Variants in CEP170B observed in about 807,000 individuals in gnomAD.
The protein encoded by CEP170B is centrosomal protein of 170 kDa protein B.
A neutral mutation model predicts 120.6 loss-of-function variants in CEP170B; 55 were observed. That is an observed-to-expected ratio of 0.46 (90% CI 0.37 to 0.57). The LOEUF is 0.57. Ranked by LOEUF, CEP170B falls within the 20% of genes least tolerant of loss-of-function variation. CEP170B has a pLI of 0.00. For missense variants in CEP170B, 2,212 were observed against 2,253.3 expected, an observed-to-expected ratio of 0.98 and a Z score of 0.37; for synonymous variants, 1,033 against 954.5, an observed-to-expected ratio of 1.08 and a Z score of -1.52.
intron 2 of CEP170B, among the ~76,000 whole-genome samples, chr14:104,875,046 A>G: frequency 6.6e-6 from 1 of 152,194 alleles, no homozygotes; most frequent in African/African-American, 2.4e-5. Context: ...GGTGCTGGGG[A>G]AGGCCCCACA....
Position 104,885,513 on chromosome 14 carries a change from C to A in CEP170B, c.1915C>A (p.Leu639Met). 2 of 1,566,740 alleles carry A rather than the reference C, an allele frequency of 1.3e-6. No homozygotes were observed. The highest frequency in any genetic ancestry group is 1.7e-6 in the Non-Finnish European group (2 of 1,158,710). ...ALLQEFASRP[L>M]GAAPQAEHQG... ...ACTGCAGGAGTTTGCCTCCCGGCCA[C>A]TGGGTGCGGCCCCCCAGGCGGAGCA... The change falls in exon 10 of 19, where the codon CTG becomes ATG. Residue 639 changes from leucine to methionine, a missense_variant. Leu to Met is a conservative substitution (Grantham distance 15, BLOSUM62 2). Around this residue, in one of 2 missense-constraint regions of CEP170B, gnomAD observed 2,166 missense variants for 2,166.7 expected, o/e 1.00. Coordinates refer to ENST00000414716, the MANE Select transcript of CEP170B (RefSeq NM_001112726.3).
chr14:104,873,927 G>A (rs947841291), intron 2 of CEP170B, among the ~76,000 whole-genome samples: 8 of 152,262 alleles, frequency 5.3e-5, no homozygotes, highest in East Asian at 1.9e-4. Flanking sequence ...CCCATGTGTC[G>A]GGCGGGCTGA....
At position 104,883,885 on chromosome 14, in the gene CEP170B, C is replaced by A. The variant is rs62641743; in HGVS notation, c.1106C>A (p.Ala369Glu). ...QSDSEDPLAK[A>E]ASAAGVPLEA... is the part of the protein sequence containing the mutation. ...GACTCAGAGGACCCCCTGGCCAAGG[C>A]GGCCTCGGCCGCTGGGGTGCCCTTG... Residue 369 changes from alanine to glutamate, a missense_variant, in exon 9 of 19, where the codon GCG becomes GAG. Around this residue, in one of 2 missense-constraint regions of CEP170B, gnomAD observed 2,166 missense variants for 2,166.7 expected, o/e 1.00. Coordinates refer to ENST00000414716, the MANE Select transcript of CEP170B (RefSeq NM_001112726.3). 2 of 1,580,544 alleles carry A rather than the reference C, an allele frequency of 1.3e-6. No individual in the cohort carries two copies. Among genetic ancestry groups the A allele is most frequent in the East Asian group, 2.3e-5 (1 of 43,268 alleles).
chr14:104,873,466 GA>G (rs1203478798), intron 2 of CEP170B, among the ~76,000 whole-genome samples: 1 of 152,090 alleles, frequency 6.6e-6, no homozygotes, highest in African/African-American at 2.4e-5. Flanking sequence ...GGGCCTGCGG[GA>G]AAGGGGGCTG....
In CEP170B at chr14:104,870,629, C is replaced by G. The variant is rs1895427206; in HGVS notation, c.105+2074C>G. 6.6e-6 allele frequency among the ~76,000 whole-genome samples: 1 copy of G among 152,040 alleles called. No individual in the cohort carries two copies. Among genetic ancestry groups the G allele is most frequent in the Non-Finnish European group, 1.5e-5 (1 of 67,980 alleles). On this transcript the variant is annotated intron_variant, in intron 2 of 18. Coordinates refer to ENST00000414716, the MANE Select transcript of CEP170B (RefSeq NM_001112726.3). The surrounding 1 kb of genome is among the most constrained non-coding windows in gnomAD (Gnocchi z 4.1). ...CCAGGCCTGCTCTGCCTGCTTCTCC[C>G]TGGGGTAGGGGAAAAGTGCTGGGGG...
At position 104,894,346 on chromosome 14, in the gene CEP170B, A is replaced by G. The variant is rs777044327; in HGVS notation, c.4333A>G (p.Asn1445Asp). Reference sequence around the variant, plus strand: ...CCTGGAAGCCAGGATCAACGCCGAGAACGAGGTGCCCATCCTGAAGACATC... The same window carrying G: ...CCTGGAAGCCAGGATCAACGCCGAGGACGAGGTGCCCATCCTGAAGACATC... ...EDLEARINAE[N>D]EVPILKTSNK... The change falls in exon 17 of 19, where the codon AAC becomes GAC. Residue 1445 changes from asparagine (N) to aspartate (D), a missense_variant. Coordinates refer to ENST00000414716, the MANE Select transcript of CEP170B (RefSeq NM_001112726.3). 19 of 1,613,452 alleles carry G rather than the reference A, an allele frequency of 1.2e-5. No individual in the cohort carries two copies. Among genetic ancestry groups the G allele is most frequent in the Non-Finnish European group, 1.4e-5 (17 of 1,179,862 alleles).
At chr14:104,889,506 C>T (rs752247603) in intron 12 of CEP170B, 114 bp from the exon 13 acceptor site, 21 of 1,560,394 alleles carry the variant, frequency 1.3e-5, no homozygotes, top group Non-Finnish European at 1.7e-5. Flanking sequence ...AACCAATTCA[C>T]TCACCAAGAC....
In CEP170B at chr14:104,865,600, G is replaced by T. The variant is rs922266785; in HGVS notation, c.-28+87G>T. ...GCTGTGGGGTCTCACGGGGCGCGGG[G>T]TCCCGGCCGAGGCCGGACAAAGGCG... is the stretch of plus-strand genomic sequence containing the variant. On this transcript the variant is annotated intron_variant, in intron 1 of 18. Transcript: ENST00000414716. This position sits in a 1 kb window ranked among gnomAD's most constrained non-coding sequence, Gnocchi z 6.7. 3.3e-5 allele frequency: 5 copies of T among 151,266 alleles called. No homozygotes were observed. The highest frequency in any genetic ancestry group is 7.4e-5 in the Non-Finnish European group (5 of 67,764). 9.4% of individuals were successfully genotyped at this position (151,266 alleles called of 1,614,324 possible). A position where few individuals can be genotyped will look rare whatever the true frequency, so the allele number is the denominator to read the frequency against.
chr14:104,868,401 T>C lies in CEP170B; in HGVS notation c.-27-23T>C, dbSNP rs1456437453. On this transcript the variant is annotated intron_variant, in intron 1 of 18. Transcript: ENST00000414716. This position sits in a 1 kb window ranked among gnomAD's most constrained non-coding sequence, Gnocchi z 5.9. ...TAAGAACCAGGCCAGGGAGCCCCACTCTAACAATCCCCTCTTCCCCAGGGC... is the reference window on the plus strand; with the variant it reads ...TAAGAACCAGGCCAGGGAGCCCCACCCTAACAATCCCCTCTTCCCCAGGGC... 1.3e-6 allele frequency: 2 copies of C among 1,515,968 alleles called. No individual in the cohort carries two copies. The highest frequency in any genetic ancestry group is 1.2e-5 in the South Asian group (1 of 82,994). 93.9% of individuals were successfully genotyped at this position (1,515,968 alleles called of 1,614,324 possible). A position where few individuals can be genotyped will look rare whatever the true frequency, so the allele number is the denominator to read the frequency against.
In CEP170B at chr14:104,893,545, C is replaced by T. The variant is rs769917781; in HGVS notation, c.4061C>T (p.Ala1354Val). The T allele has an allele frequency of 3.1e-6, 5 of 1,605,498 alleles. No homozygotes were observed. In the South Asian group the frequency reaches 4.5e-5, roughly 14 times the overall value. ...CAGCTGGTGCAGCGCATCCCCGAGG[C>T]CAGCCTCAACTTCCAGAAGGTGCCG... ...REELVQRIPE[A>V]SLNFQKVPPG... is the part of the protein sequence containing the mutation. The change falls in exon 15 of 19, where the codon GCC becomes GTC. Residue 1354 changes from alanine to valine, a missense_variant. Physicochemically the swap from Ala to Val is moderately conservative, Grantham distance 64. This residue lies in a region of CEP170B where 2,166 missense variants were observed against 2,166.7 expected (regional missense o/e 1.00). Coordinates refer to ENST00000414716, the MANE Select transcript of CEP170B (RefSeq NM_001112726.3).
chr14:104,877,535 C>T (rs934422585), intron 3 of CEP170B, among the ~76,000 whole-genome samples: 1 of 152,208 alleles, frequency 6.6e-6, no homozygotes, highest in African/African-American at 2.4e-5. Context: ...CTCATGGGGC[C>T]AAGGTGGGGG....
chr14:104,870,375 A>G lies in CEP170B; in HGVS notation c.105+1820A>G, dbSNP rs1039447884. On this transcript the variant is annotated intron_variant, in intron 2 of 18. Coordinates refer to ENST00000414716, the MANE Select transcript of CEP170B (RefSeq NM_001112726.3). This position sits in a 1 kb window ranked among gnomAD's most constrained non-coding sequence, Gnocchi z 4.1. ...GCCATCTAAAGACAGGCGGCAGGCC[A>G]TAGGCCACGCCCCACATACCCCACT... Among the ~76,000 whole-genome samples the G allele has an allele frequency of 2.6e-5, 4 of 152,372 alleles. No individual in the cohort carries two copies. Among genetic ancestry groups the G allele is most frequent in the African/African-American group, 4.8e-5 (2 of 41,594 alleles).
At chr14:104,881,359 G>A (rs1896146191) in intron 6 of CEP170B, among the ~76,000 whole-genome samples, 1 of 152,130 alleles carries the variant, frequency 6.6e-6, no homozygotes, top group African/African-American at 2.4e-5. Flanking sequence ...CCGGGGATCA[G>A]GCTCTCGGCT....
At position 104,886,282 on chromosome 14, in the gene CEP170B, C is replaced by T. The variant is rs1214732217; in HGVS notation, c.2043C>T (p.Gly681=). ...SYSDPGLTED[G]LGRRGGEPEG... ...TGCCTTTGTGCTCCACAGAGGATGG[C>T]CTGGGACGTAGAGGCGGGGAGCCGG... The change falls in exon 12 of 19, where the codon GGC becomes GGT. Residue 681 remains glycine (G), a synonymous_variant. Transcript: ENST00000414716. 1.3e-6 allele frequency: 2 copies of T among 1,538,142 alleles called. No individual in the cohort carries two copies. Among genetic ancestry groups the T allele is most frequent in the African/African-American group, 1.4e-5 (1 of 73,394 alleles).
chr14:104,885,590 G>A (rs1475121100), intron 10 of CEP170B, 48 bp downstream of exon 10: 49 of 1,516,912 alleles, frequency 3.2e-5, no homozygotes, highest in Non-Finnish European at 4.2e-5. Flanking sequence ...CAGGAAGAGG[G>A]CAGCATCCAA....
At chr14:104,872,364 TGTGTGTGCCATGG>T (rs1269848734) in intron 2 of CEP170B, among the ~76,000 whole-genome samples, 3 of 64,588 alleles carry the variant, frequency 4.6e-5, no homozygotes, top group African/African-American at 1.3e-4. Context: ...GTGTGCCGCG[TGTGTGTGCCATGG>T]GTGTGCATGT....
intron 13 of CEP170B, 32 bp downstream of exon 13, chr14:104,889,790 G>A (rs780685672): frequency 1.9e-6 from 3 of 1,579,966 alleles, no homozygotes; most frequent in South Asian, 1.1e-5. Flanking sequence ...AATCCACTGG[G>A]TGCCAGTGCG....
chr14:104,880,958 C>T (rs561066187), intron 6 of CEP170B, among the ~76,000 whole-genome samples: 2 of 152,132 alleles, frequency 1.3e-5, no homozygotes, highest in South Asian at 4.1e-4. Context: ...TACCTGTGCA[C>T]GCCTGCACCC....
intron 2 of CEP170B, among the ~76,000 whole-genome samples, chr14:104,871,742 G>A (rs1338255823): frequency 2.0e-5 from 3 of 152,230 alleles, no homozygotes. Context: ...GGCCGGTGAG[G>A]AGGGGGAGGC....
Sources: gnomAD v4.1 joint callset for allele counts (sites outside exome capture counted in the v4.1 genomes callset) on GRCh38, gnomAD v4.1.1 for gene constraint, gnomAD v4.1.1 regional missense constraint, Gnocchi (gnomAD v3.1) non-coding constraint, MANE v1.5 for transcripts, NCBI Gene and HGNC (gene_info 2026-07-23, HGNC 2026-07-21) for gene names.